CEP290: variants seen among roughly 807,000 people sequenced by gnomAD.
The protein encoded by CEP290 is centrosomal protein of 290 kDa.
CEP290 carries 317 observed loss-of-function variants against 344.9 expected under a neutral mutation model. The observed-to-expected ratio is 0.92, with a 90% confidence interval of 0.84 to 1.01. CEP290 has a LOEUF of 1.01. Ranked by LOEUF, CEP290 falls within the 50% of genes least tolerant of loss-of-function variation. CEP290 has a pLI of 0.00. For missense variants in CEP290, 2,754 were observed against 2,761.4 expected (o/e 1.00, Z 0.06); for synonymous variants, 932 against 895.8 (o/e 1.04, Z -0.72).
intron 6 of CEP290, among the ~76,000 whole-genome samples, chr12:88,134,043 A>C (rs1173970928): frequency 6.6e-6 from 1 of 152,174 alleles, no homozygotes; most frequent in Non-Finnish European, 1.5e-5. Flanking sequence ...AATAATGTCT[A>C]CATTGATGAT....
intron 52 of CEP290, among the ~76,000 whole-genome samples, chr12:88,052,043 A>C (rs2136595901): frequency 6.6e-6 from 1 of 152,316 alleles, no homozygotes; most frequent in Non-Finnish European, 1.5e-5. Flanking sequence ...TTTATCACAT[A>C]AAATGGAGAC....
chr12:88,053,888 A>G (rs1263619796), intron 51 of CEP290, 142 bp from the exon 52 acceptor site: 5 of 506,104 alleles, frequency 9.9e-6, no homozygotes, highest in Non-Finnish European at 1.7e-5. Flanking sequence ...TCAATGCTAC[A>G]ATGTCACCAT....
At chr12:88,139,765 T>C (rs1041341250) in intron 3 of CEP290, among the ~76,000 whole-genome samples, 1 of 152,236 alleles carries the variant, frequency 6.6e-6, no homozygotes, top group Non-Finnish European at 1.5e-5. Context: ...CCTCACTTTG[T>C]CACCCAGGCT....
chr12:88,124,623 A>G (rs1372332571), intron 13 of CEP290, among the ~76,000 whole-genome samples: 6 of 152,098 alleles, frequency 3.9e-5, no homozygotes, highest in Admixed American at 3.3e-4. Context: ...TAGTGATTCC[A>G]TGCGCGTGTG....
At chr12:88,123,748 G>A (rs1477398078) in intron 13 of CEP290, among the ~76,000 whole-genome samples, 2 of 151,828 alleles carry the variant, frequency 1.3e-5, no homozygotes, top group Non-Finnish European at 2.9e-5. Flanking sequence ...CTAGATTGTT[G>A]TCCTAAACCT....
Position 88,061,375 on chromosome 12 carries a change from CA to C in CEP290, c.6358-382del, listed in dbSNP as rs574581842. ...AGAGAAATTGTGTCTTTAAAGAGCTCATGAGTAATTAAATTTTAATTGCAAC... is the reference window on the plus strand; with the variant it reads ...AGAGAAATTGTGTCTTTAAAGAGCTCTGAGTAATTAAATTTTAATTGCAAC... On this transcript the variant is annotated intron_variant, in intron 46 of 53. Transcript: ENST00000552810. Among the ~76,000 whole-genome samples the C allele has an allele frequency of 2.9e-4, 44 of 152,110 alleles. 1 individual carries two copies. The highest frequency in any genetic ancestry group is 6.0e-4 in the Non-Finnish European group (41 of 67,964).
intron 17 of CEP290, 94 bp downstream of exon 17, chr12:88,118,389 G>A: frequency 1.0e-6 from 1 of 997,526 alleles, no homozygotes; most frequent in Non-Finnish European, 1.5e-6. Flanking sequence ...ATCCACAATA[G>A]AACAGCAAAA....
intron 27 of CEP290, among the ~76,000 whole-genome samples, chr12:88,095,986 GATTTA>G (rs1317193679): frequency 3.9e-5 from 6 of 152,076 alleles, no homozygotes; most frequent in African/African-American, 1.4e-4. Context: ...AAAAGCTAGT[GATTTA>G]ATCACTCAAA....
intron 52 of CEP290, 26 bp downstream of exon 52, chr12:88,053,626 C>G (rs2033751325): frequency 8.2e-7 from 1 of 1,212,800 alleles, no homozygotes; most frequent in African/African-American, 1.5e-5. Flanking sequence ...TTGGGGGTAG[C>G]TAACATGTTT....
At chr12:88,097,898 C>T (rs1163281307) in intron 26 of CEP290, among the ~76,000 whole-genome samples, 3 of 152,074 alleles carry the variant, frequency 2.0e-5, no homozygotes, top group Non-Finnish European at 2.9e-5. Context: ...AAAATTCTGG[C>T]CTTCAGAGTT....
chr12:88,122,549 T>C (rs1249639659), intron 13 of CEP290, among the ~76,000 whole-genome samples: 1 of 152,170 alleles, frequency 6.6e-6, no homozygotes, highest in Non-Finnish European at 1.5e-5. Context: ...TTTTACAAGT[T>C]AAGTTCAAGA....
intron 29 of CEP290, among the ~76,000 whole-genome samples, chr12:88,091,196 T>C (rs1592864802): frequency 6.6e-6 from 1 of 152,112 alleles, no homozygotes; most frequent in African/African-American, 2.4e-5. Context: ...TTCCCATACT[T>C]TTTTCCATAA....
chr12:88,130,671 T>C lies in CEP290; in HGVS notation c.496-106A>G, dbSNP rs189437167. On this transcript the variant is annotated intron_variant, in intron 7 of 53. Coordinates refer to ENST00000552810, the MANE Select transcript of CEP290 (RefSeq NM_025114.4). ...AAACAAAAAAATTTTGGGAAAATGA[T>C]GCATATTATCTTGAATAACCAAAGA... is the stretch of plus-strand genomic sequence containing the variant. 157 of 853,662 alleles carry C rather than the reference T, an allele frequency of 1.8e-4. No homozygotes were observed. In the African/African-American group the frequency reaches 2.3e-3, roughly 13 times the overall value. The allele number at this position is 853,662 out of a possible 1,614,324, so 52.9% of individuals were successfully genotyped here.
chr12:88,050,987 A>G (rs1242611668), intron 52 of CEP290, among the ~76,000 whole-genome samples: 1 of 152,156 alleles, frequency 6.6e-6, no homozygotes, highest in South Asian at 2.1e-4. Context: ...GTTCTAATTT[A>G]TTGGATTCAC....
At chr12:88,137,805 G>C (rs12296496) in intron 5 of CEP290, among the ~76,000 whole-genome samples, 10,528 of 152,054 alleles carry the variant, frequency 0.069, 1,237 homozygotes, top group African/African-American at 0.24. Flanking sequence ...GGTGCTTCTA[G>C]GTTTACCCCA....
intron 5 of CEP290, 95 bp downstream of exon 5, chr12:88,139,050 T>G: frequency 2.9e-6 from 2 of 679,176 alleles, no homozygotes; most frequent in Non-Finnish European, 2.6e-6. Context: ...CAATCATCCT[T>G]ATAATTTTTC....
chr12:88,122,101 G>A (rs750874220), intron 13 of CEP290, among the ~76,000 whole-genome samples: 3 of 151,956 alleles, frequency 2.0e-5, no homozygotes, highest in Admixed American at 6.6e-5. Context: ...AAACTAGTAC[G>A]TTTGAGATCA....
chr12:88,088,786 G>T (rs1438984440), intron 31 of CEP290, among the ~76,000 whole-genome samples: 1 of 152,138 alleles, frequency 6.6e-6, no homozygotes, highest in Non-Finnish European at 1.5e-5. Flanking sequence ...CTTGAAGCCA[G>T]GAGTTCAAGG....
intron 19 of CEP290, 69 bp from the exon 20 acceptor site, chr12:88,114,631 G>A: frequency 8.1e-7 from 1 of 1,239,002 alleles, no homozygotes; most frequent in Non-Finnish European, 1.1e-6. Flanking sequence ...CTATACAGAT[G>A]ACAAATATTT....
Sources: allele counts gnomAD v4.1 joint callset (sites outside exome capture counted in the v4.1 genomes callset), GRCh38; gene constraint gnomAD v4.1.1; transcripts MANE v1.5; gene names NCBI Gene and HGNC (gene_info 2026-07-23, HGNC 2026-07-21).